The following CCDC83 variants were observed in gnomAD, a reference collection of about 807,000 sequenced individuals.
CCDC83 encodes the protein coiled-coil domain-containing protein 83.
In CCDC83, 54 loss-of-function variants were observed where a neutral mutation model predicts 50.1. The observed-to-expected ratio is 1.08, with a 90% confidence interval of 0.87 to 1.35. The LOEUF (loss-of-function observed/expected upper bound fraction) is 1.35. CCDC83 is among the 40% of genes most tolerant of loss of function. The pLI is 0.00. For missense variants in CCDC83, 518 were observed against 473.9 expected (o/e 1.09, Z -0.86); for synonymous variants, 161 against 153.3 (o/e 1.05, Z -0.37).
intron 7 of CCDC83, among the ~76,000 whole-genome samples, chr11:85,906,832 C>T (rs960044960): frequency 6.8e-6 from 1 of 146,046 alleles, no homozygotes; most frequent in Non-Finnish European, 1.6e-5. Flanking sequence ...CTGTAGTAAG[C>T]CATGTTCAGG....
chr11:85,859,075 A>G (rs919971238), intron 1 of CCDC83, among the ~76,000 whole-genome samples: 3 of 151,874 alleles, frequency 2.0e-5, no homozygotes, highest in African/African-American at 7.3e-5. Flanking sequence ...CCCTGGGTCA[A>G]AAAGAGAATA....
intron 6 of CCDC83, among the ~76,000 whole-genome samples, chr11:85,896,390 G>A (rs1236309406): frequency 1.1e-5 from 1 of 93,516 alleles, no homozygotes; most frequent in Non-Finnish European, 1.9e-5. Flanking sequence ...AACAAAGTGA[G>A]ACCTTGTCTC....
Position 85,875,345 on chromosome 11 carries a change from T to G in CCDC83, c.180+2050T>G, listed in dbSNP as rs78732745. On this transcript the variant is annotated intron_variant, in intron 3 of 10. Transcript: ENST00000342404. ...CCCAGGACTGTTTCCAGCTTGAAGG[T>G]TGGATTTCACTGGGGACCGGCCCCA... 6.0e-3 allele frequency among the ~76,000 whole-genome samples: 907 copies of G among 152,326 alleles called. 14 individuals are homozygous for G. The highest frequency in any genetic ancestry group is 0.021 in the African/African-American group (870 of 41,568).
chr11:85,874,905 A>C (rs2093260295), intron 3 of CCDC83, among the ~76,000 whole-genome samples: 1 of 152,132 alleles, frequency 6.6e-6, no homozygotes, highest in Admixed American at 6.6e-5. Flanking sequence ...TCACCTCTCA[A>C]ACCTTGTCTC....
At position 85,916,108 on chromosome 11, in the gene CCDC83, C is replaced by G; in HGVS notation, c.955C>G (p.Leu319Val). 1 of 1,613,048 alleles carries G rather than the reference C, an allele frequency of 6.2e-7. No homozygotes were observed. Among genetic ancestry groups the G allele is most frequent in the Non-Finnish European group, 8.5e-7 (1 of 1,179,204 alleles). Residue 319 changes from leucine to valine, a missense_variant, in exon 10 of 11, where the codon CTT (leucine) becomes GTT (valine). Transcript: ENST00000342404. ...SSSDESTILH[L>V]SHENSIEDLQ... ...ATCAGATGAGAGCACTATCTTACAT[C>G]TTAGTCATGAAAATAGCATCGAAGA...
chr11:85,895,137 G>C (rs549788752), intron 5 of CCDC83, among the ~76,000 whole-genome samples, 156 bp from the exon 6 acceptor site: 7 of 98,032 alleles, frequency 7.1e-5, no homozygotes, highest in African/African-American at 2.3e-4. Context: ...AAGTCAGACA[G>C]AATGCTACCC....
chr11:85,872,053 A>G (rs1235409500), intron 2 of CCDC83, among the ~76,000 whole-genome samples: 2 of 152,100 alleles, frequency 1.3e-5, no homozygotes, highest in African/African-American at 4.8e-5. Context: ...CCTGGGTTCA[A>G]GCGATTCTCA....
chr11:85,906,785 C>T lies in CCDC83; in HGVS notation c.673-4496C>T, dbSNP rs190795385. ...CTGTGGTCCCAGCTACTTATGAGGC[C>T]GAGATAGGAGCATCACTTGAGCCTG... On this transcript the variant is annotated intron_variant, in intron 7 of 10. Transcript: ENST00000342404. 4.5e-4 allele frequency among the ~76,000 whole-genome samples: 66 copies of T among 145,726 alleles called. 1 individual carries two copies. Among genetic ancestry groups the T allele is most frequent in the African/African-American group, 1.2e-3 (48 of 40,998 alleles).
At position 85,881,486 on chromosome 11, in the gene CCDC83, G is replaced by A. The variant is rs184566358; in HGVS notation, c.181-1027G>A. The stretch of plus-strand genomic sequence containing the variant: ...CACCCAAGCTGGAGTGCAATGGTGC[G>A]ATCATAGCTCACTGTAACCTCAAAC... On this transcript the variant is annotated intron_variant, in intron 3 of 10. Coordinates refer to ENST00000342404, the MANE Select transcript of CCDC83 (RefSeq NM_001286159.2). Among the ~76,000 whole-genome samples the A allele has an allele frequency of 5.3e-5, 8 of 152,158 alleles. No homozygotes were observed. The East Asian group carries it at 1.4e-3, about 26-fold the overall frequency.
intron 4 of CCDC83, among the ~76,000 whole-genome samples, chr11:85,885,747 T>G (rs1466797711): frequency 3.3e-5 from 5 of 152,168 alleles, no homozygotes; most frequent in Admixed American, 6.5e-5. Flanking sequence ...ATCAAACAAT[T>G]TACTTACAAA....
rs756949334 is a variant in CCDC83 at position 85,917,166 on chromosome 11, G to GAGAGAAAGAAAGAA, written c.1080+936_1080+937insGAAAGAAAGAAAGA. 4.5e-4 allele frequency among the ~76,000 whole-genome samples: 28 copies of GAGAGAAAGAAAGAA among 62,450 alleles called. No homozygotes were observed. In the East Asian group the frequency reaches 5.0e-3, roughly 11 times the overall value. 41.0% of individuals were successfully genotyped at this position (62,450 alleles called of 152,430 possible). ...AGAGAGAGAGAGAGAGAGAGAGAGA[G>GAGAGAAAGAAAGAA]AGAAAGAAAGAAAGAAAGAAAGAAA... On this transcript the variant is annotated intron_variant, in intron 10 of 10. Coordinates refer to ENST00000342404, the MANE Select transcript of CCDC83 (RefSeq NM_001286159.2).
intron 1 of CCDC83, among the ~76,000 whole-genome samples, chr11:85,862,232 A>G (rs190481644): frequency 4.6e-5 from 7 of 152,192 alleles, no homozygotes; most frequent in African/African-American, 1.7e-4. Context: ...TTATTGCAAG[A>G]TTTTATGACA....
intron 7 of CCDC83, among the ~76,000 whole-genome samples, chr11:85,908,935 TTTTG>T (rs962139748): frequency 3.3e-5 from 5 of 151,878 alleles, no homozygotes; most frequent in South Asian, 2.1e-4. Context: ...TTTTTTGGTT[TTTTG>T]TTTGTTTGTT....
At chr11:85,893,829 T>C (rs1348885099) in intron 5 of CCDC83, among the ~76,000 whole-genome samples, 3 of 152,154 alleles carry the variant, frequency 2.0e-5, no homozygotes, top group Non-Finnish European at 4.4e-5. Flanking sequence ...GGACCATCTA[T>C]AACCAAGAAA....
intron 3 of CCDC83, among the ~76,000 whole-genome samples, chr11:85,881,377 C>G (rs181967298): frequency 2.1e-5 from 3 of 145,004 alleles, no homozygotes; most frequent in East Asian, 2.0e-4. Flanking sequence ...CATCCCCCCC[C>G]AAAAAAAAAA....
intron 2 of CCDC83, among the ~76,000 whole-genome samples, chr11:85,871,337 A>G (rs2093236229): frequency 6.6e-6 from 1 of 152,232 alleles, no homozygotes; most frequent in Non-Finnish European, 1.5e-5. Context: ...ATCTCCATCA[A>G]TCCTCTTATT....
At chr11:85,909,425 G>C (rs1290706118) in intron 7 of CCDC83, among the ~76,000 whole-genome samples, 1 of 151,754 alleles carries the variant, frequency 6.6e-6, no homozygotes, top group East Asian at 1.9e-4. Context: ...TCTATTTTAT[G>C]CTCTTGCTTC....
intron 1 of CCDC83, among the ~76,000 whole-genome samples, chr11:85,860,685 T>G (rs895803170): frequency 1.3e-5 from 2 of 152,198 alleles, no homozygotes; most frequent in African/African-American, 4.8e-5. Context: ...ACACATGGAC[T>G]CATGTTCATC....
At position 85,919,583 on chromosome 11, in the gene CCDC83, C is replaced by A. The variant is rs145049511; in HGVS notation, c.*73C>A. Reference sequence around the variant, plus strand: ...TGGGAACTGAAGTATATCCGTTGCCCATTTTACTTACACTTTGGCTCATTT... The same window carrying A: ...TGGGAACTGAAGTATATCCGTTGCCAATTTTACTTACACTTTGGCTCATTT... On this transcript the variant is annotated 3_prime_UTR_variant, in exon 11 of 11. Transcript: ENST00000342404. 1.1e-5 allele frequency: 12 copies of A among 1,090,022 alleles called. No individual in the cohort carries two copies. The African/African-American group carries it at 1.6e-4, about 15-fold the overall frequency. The allele number at this position is 1,090,022 out of a possible 1,614,324, so 67.5% of individuals were successfully genotyped here.
Sources: gnomAD v4.1 joint callset for allele counts (sites outside exome capture counted in the v4.1 genomes callset) on GRCh38, gnomAD v4.1.1 for gene constraint, MANE v1.5 for transcripts, NCBI Gene and HGNC (gene_info 2026-07-23, HGNC 2026-07-21) for gene names.